Variants in RREB1 observed in about 807,000 individuals in gnomAD.
The protein encoded by RREB1 is ras responsive element binding protein 1.
Under a neutral mutation model 117.8 loss-of-function variants are expected in RREB1, and 27 were observed. That is an observed-to-expected ratio of 0.23 (90% CI 0.17 to 0.32). The LOEUF is 0.32. Ranked by LOEUF, RREB1 falls within the 10% of genes least tolerant of loss-of-function variation. The pLI is 1.00. For missense variants in RREB1, 2,577 were observed against 2,378.2 expected, an observed-to-expected ratio of 1.08 and a Z score of -1.74; for synonymous variants, 1,298 against 1,026.7, an observed-to-expected ratio of 1.26 and a Z score of -5.05.
chr6:7,235,504 C>T (rs7768742), intron 10 of RREB1, among the ~76,000 whole-genome samples: 14,303 of 152,218 alleles, frequency 0.094, 1,446 homozygotes, highest in African/African-American at 0.24. Context: ...TAGTTTTTTG[C>T]TTTTGTACAG....
intron 1 of RREB1, among the ~76,000 whole-genome samples, chr6:7,157,128 CTAAT>C (rs1281530041): frequency 6.6e-6 from 1 of 152,076 alleles, no homozygotes; most frequent in Admixed American, 6.6e-5. Flanking sequence ...TTGGAGATGA[CTAAT>C]TAATTAGTAA....
intron 1 of RREB1, among the ~76,000 whole-genome samples, chr6:7,174,862 G>C (rs1764421677): frequency 6.6e-6 from 1 of 152,196 alleles, no homozygotes; most frequent in Admixed American, 6.5e-5. Flanking sequence ...ACCTGCCTCA[G>C]TGTCCCTAAG....
intron 1 of RREB1, among the ~76,000 whole-genome samples, chr6:7,129,053 A>G (rs1262854435): frequency 2.6e-5 from 4 of 152,252 alleles, no homozygotes; most frequent in African/African-American, 9.6e-5. Context: ...AGCAATTGCT[A>G]TGCTAGGTTT....
rs142504020 is a variant in RREB1 at position 7,126,317 on chromosome 6, C to T, written c.-285+18257C>T. 3.7e-3 allele frequency among the ~76,000 whole-genome samples: 545 copies of T among 148,774 alleles called. 3 individuals carry two copies. Among genetic ancestry groups the T allele is most frequent in the South Asian group, 6.0e-3 (28 of 4,654 alleles). ...GCCCGGCCTCGATTCCCCCCCGACC[C>T]ATTCTTGTTGCCCAGGCTGGAGTGC... is the stretch of plus-strand genomic sequence containing the variant. On this transcript the variant is annotated intron_variant, in intron 1 of 12. Coordinates refer to ENST00000379938, the MANE Select transcript of RREB1 (RefSeq NM_001003699.4).
intron 4 of RREB1, chr6:7,185,048 T>G (rs1161001906): frequency 6.6e-6 from 1 of 152,156 alleles, no homozygotes; most frequent in Non-Finnish European, 1.5e-5. Context: ...TGGGGGTCCT[T>G]GGCCAGCTCT....
At chr6:7,156,127 T>G (rs1763350744) in intron 1 of RREB1, among the ~76,000 whole-genome samples, 1 of 152,242 alleles carries the variant, frequency 6.6e-6, no homozygotes, top group Non-Finnish European at 1.5e-5. Flanking sequence ...TCATTCACAC[T>G]TAAGAGTCTA....
In RREB1 at chr6:7,251,489, C is replaced by CTTGTTTTTTTTTTTTTT. The variant is rs747198771; in HGVS notation, c.*2523_*2524insGTTTTTTTTTTTTTTTT. On this transcript the variant is annotated 3_prime_UTR_variant, in exon 13 of 13. Coordinates refer to ENST00000379938, the MANE Select transcript of RREB1 (RefSeq NM_001003699.4). ...GTTTTTTGAGGTGCAAGTTTTTTCT[C>CTTGTTTTTTTTTTTTTT]TTTTTTTTTTTTTTTTTTTTTTCTC... is the stretch of plus-strand genomic sequence containing the variant. The CTTGTTTTTTTTTTTTTT allele has an allele frequency of 4.9e-5, 6 of 121,354 alleles. No homozygotes were observed. The highest frequency in any genetic ancestry group is 1.3e-4 in the African/African-American group (4 of 31,418). 7.5% of individuals were successfully genotyped at this position (121,354 alleles called of 1,614,324 possible).
At chr6:7,109,372 C>T (rs1321914907) in intron 1 of RREB1, among the ~76,000 whole-genome samples, 1 of 152,090 alleles carries the variant, frequency 6.6e-6, no homozygotes, top group Non-Finnish European at 1.5e-5. Context: ...GGAGGTCCTT[C>T]CCGTCGCCGA....
At chr6:7,202,833 G>A (rs563548474) in intron 6 of RREB1, among the ~76,000 whole-genome samples, 61 of 152,306 alleles carry the variant, frequency 4.0e-4, no homozygotes, top group African/African-American at 1.2e-3. Flanking sequence ...CTAGCTGGCC[G>A]ATTATAGCTC....
intron 8 of RREB1, among the ~76,000 whole-genome samples, chr6:7,223,807 A>G (rs1243610009): frequency 6.6e-6 from 1 of 152,178 alleles, no homozygotes; most frequent in East Asian, 1.9e-4. Context: ...CACATTTCAG[A>G]AAGTTTGCAG....
intron 1 of RREB1, among the ~76,000 whole-genome samples, chr6:7,163,229 T>C (rs932733232): frequency 2.6e-5 from 4 of 152,164 alleles, no homozygotes; most frequent in African/African-American, 9.7e-5. Context: ...ATTTGTATAA[T>C]CTGTTGAGCC....
intron 1 of RREB1, among the ~76,000 whole-genome samples, chr6:7,147,989 T>G (rs1215371582): frequency 6.6e-6 from 1 of 152,204 alleles, no homozygotes; most frequent in African/African-American, 2.4e-5. Context: ...AGCAGTTGAT[T>G]AGCTAGCTGA....
chr6:7,223,653 T>C (rs1767409801), intron 8 of RREB1, among the ~76,000 whole-genome samples: 1 of 152,114 alleles, frequency 6.6e-6, no homozygotes, highest in Non-Finnish European at 1.5e-5. Flanking sequence ...AAAATGTCTA[T>C]TTGGTAATGT....
At chr6:7,239,581 GA>G (rs1196932552) in intron 10 of RREB1, among the ~76,000 whole-genome samples, 2 of 152,256 alleles carry the variant, frequency 1.3e-5, no homozygotes, top group African/African-American at 4.8e-5. Flanking sequence ...AGCAGGAGGG[GA>G]CTGTGCCTCT....
chr6:7,154,123 A>G (rs1297362717), intron 1 of RREB1, among the ~76,000 whole-genome samples: 3 of 152,172 alleles, frequency 2.0e-5, no homozygotes, highest in Non-Finnish European at 2.9e-5. Flanking sequence ...TCTTTGCTTT[A>G]TTCTCCTTTT....
At chr6:7,163,420 C>A (rs1323567977) in intron 1 of RREB1, among the ~76,000 whole-genome samples, 42 of 152,230 alleles carry the variant, frequency 2.8e-4, no homozygotes, top group Non-Finnish European at 1.6e-4. Context: ...GAGAAAGAGT[C>A]TTGCTCTGTT....
At chr6:7,166,331 TGCCA>T (rs1763926786) in intron 1 of RREB1, among the ~76,000 whole-genome samples, 2 of 152,398 alleles carry the variant, frequency 1.3e-5, no homozygotes, top group African/African-American at 4.8e-5. Flanking sequence ...CCCATTTGCT[TGCCA>T]GTGTTTTTGG....
chr6:7,203,677 C>T (rs2113599235), intron 6 of RREB1, among the ~76,000 whole-genome samples: 1 of 152,316 alleles, frequency 6.6e-6, no homozygotes, highest in South Asian at 2.1e-4. Flanking sequence ...AATTAAGATT[C>T]CTTAACTTCT....
At chr6:7,170,088 T>C (rs1026946307) in intron 1 of RREB1, among the ~76,000 whole-genome samples, 1 of 152,234 alleles carries the variant, frequency 6.6e-6, no homozygotes, top group African/African-American at 2.4e-5. Flanking sequence ...TTCCTTTACC[T>C]AAGAACAACC....
Sources: allele counts gnomAD v4.1 joint callset (sites outside exome capture counted in the v4.1 genomes callset), GRCh38; gene constraint gnomAD v4.1.1; transcripts MANE v1.5; gene names NCBI Gene and HGNC (gene_info 2026-07-23, HGNC 2026-07-21).